ENTREP2: variants seen among roughly 807,000 people sequenced by gnomAD.
ENTREP2 encodes the protein protein ENTREP2.
At chr15:29,173,164 G>A in the ENTREP2 span, among the ~76,000 whole-genome samples, 2 of 152,150 alleles carry the variant, frequency 1.3e-5, no homozygotes, top group Admixed American at 6.5e-5. Flanking sequence ...GCCTGGGCAC[G>A]TGTCCACTCC....
the ENTREP2 span, among the ~76,000 whole-genome samples, chr15:29,384,487 G>C: frequency 3.3e-3 from 496 of 152,122 alleles, no homozygotes; most frequent in Non-Finnish European, 5.4e-3. Context: ...CATCCTGGAT[G>C]CCTCCACCAA....
chr15:29,533,917 T>A, the ENTREP2 span, among the ~76,000 whole-genome samples: 2 of 151,950 alleles, frequency 1.3e-5, no homozygotes, highest in South Asian at 4.2e-4. Flanking sequence ...GAGTTTGGGT[T>A]TGCTTTACAT....
chr15:29,603,908 C>T, the ENTREP2 span, among the ~76,000 whole-genome samples: 17 of 152,094 alleles, frequency 1.1e-4, 1 homozygote, highest in East Asian at 1.5e-3. Flanking sequence ...CAAAGTACTC[C>T]GATTATAGGC....
chr15:29,533,075 T>C, the ENTREP2 span, among the ~76,000 whole-genome samples: 1 of 152,174 alleles, frequency 6.6e-6, no homozygotes, highest in Non-Finnish European at 1.5e-5. Flanking sequence ...TTATTCAATT[T>C]TCTCTGACTC....
At chr15:29,279,509 C>T in the ENTREP2 span, among the ~76,000 whole-genome samples, 13 of 152,038 alleles carry the variant, frequency 8.6e-5, no homozygotes, top group South Asian at 1.7e-3. Flanking sequence ...GGACTACATG[C>T]GCACGCCACC....
chr15:29,482,290 G>T, the ENTREP2 span, among the ~76,000 whole-genome samples: 8 of 151,878 alleles, frequency 5.3e-5, no homozygotes, highest in African/African-American at 1.9e-4. Flanking sequence ...GATTACAGGC[G>T]TGAGCCACCA....
the ENTREP2 span, among the ~76,000 whole-genome samples, chr15:29,256,505 A>C: frequency 6.6e-6 from 1 of 152,216 alleles, no homozygotes; most frequent in Non-Finnish European, 1.5e-5. Flanking sequence ...CAGTCTCAAA[A>C]TAACACCAAT....
the ENTREP2 span, chr15:29,195,138 G>T: frequency 1.6e-5 from 16 of 985,360 alleles, no homozygotes; most frequent in Middle Eastern, 1.6e-3. Flanking sequence ...ATGGGCCCTG[G>T]AGTGCTGCAG....
At chr15:29,429,812 C>T in the ENTREP2 span, among the ~76,000 whole-genome samples, 4 of 152,124 alleles carry the variant, frequency 2.6e-5, no homozygotes, top group Non-Finnish European at 4.4e-5. Flanking sequence ...TCCGGGCCGG[C>T]GTGAGGGCAC....
At chr15:29,625,167 G>A in the ENTREP2 span, among the ~76,000 whole-genome samples, 2 of 152,152 alleles carry the variant, frequency 1.3e-5, no homozygotes, top group Non-Finnish European at 2.9e-5. Flanking sequence ...TAAGTAAAAT[G>A]AATGCCCTTA....
At chr15:29,581,762 G>T in the ENTREP2 span, among the ~76,000 whole-genome samples, 1 of 151,742 alleles carries the variant, frequency 6.6e-6, no homozygotes, top group Non-Finnish European at 1.5e-5. Flanking sequence ...ATGCAAAAAG[G>T]CACAGGCTCT....
the ENTREP2 span, among the ~76,000 whole-genome samples, chr15:29,158,032 T>A: frequency 6.6e-6 from 1 of 152,254 alleles, no homozygotes; most frequent in Non-Finnish European, 1.5e-5. Context: ...CGACATCTCT[T>A]AATGTACCAT....
the ENTREP2 span, among the ~76,000 whole-genome samples, chr15:29,385,844 C>A: frequency 3.3e-5 from 5 of 152,194 alleles, no homozygotes; most frequent in Non-Finnish European, 5.9e-5. Flanking sequence ...GCCCCCCATC[C>A]TGTGCCCATA....
At chr15:29,332,746 G>A in the ENTREP2 span, among the ~76,000 whole-genome samples, 1 of 152,052 alleles carries the variant, frequency 6.6e-6, no homozygotes, top group Admixed American at 6.5e-5. Flanking sequence ...GATCACCTGA[G>A]GTTGGAAGTT....
chr15:29,515,185 G>A, the ENTREP2 span, among the ~76,000 whole-genome samples: 1 of 152,178 alleles, frequency 6.6e-6, no homozygotes, highest in South Asian at 2.1e-4. Flanking sequence ...TGCGGAGCAG[G>A]ACCCCCAGCT....
chr15:29,286,752 A>G, the ENTREP2 span, among the ~76,000 whole-genome samples: 1 of 152,246 alleles, frequency 6.6e-6, no homozygotes, highest in African/African-American at 2.4e-5. Flanking sequence ...TAGAAGAGTG[A>G]GGCCGTTTAG....
chr15:29,338,685 C>A, the ENTREP2 span, among the ~76,000 whole-genome samples: 1 of 152,100 alleles, frequency 6.6e-6, no homozygotes, highest in Non-Finnish European at 1.5e-5. Context: ...CCTCCAACCA[C>A]CCAGCTTGAT....
chr15:29,471,940 C>G, the ENTREP2 span, among the ~76,000 whole-genome samples: 1 of 152,168 alleles, frequency 6.6e-6, no homozygotes, highest in Non-Finnish European at 1.5e-5. Flanking sequence ...GATTCAAGAT[C>G]AATGCTGACA....
chr15:29,618,936 G>A, the ENTREP2 span, among the ~76,000 whole-genome samples: 29 of 152,220 alleles, frequency 1.9e-4, 1 homozygote, highest in Non-Finnish European at 2.6e-4. Flanking sequence ...ACATGCAGGA[G>A]ACAGAGCCTA....
Sources: allele counts gnomAD v4.1 joint callset (sites outside exome capture counted in the v4.1 genomes callset), GRCh38; gene constraint gnomAD v4.1.1; transcripts MANE v1.5; gene names NCBI Gene and HGNC (gene_info 2026-07-23, HGNC 2026-07-21).